Variants in GRAMD4 observed in about 807,000 individuals in gnomAD.
The protein encoded by GRAMD4 is GRAM domain containing 4.
A neutral mutation model predicts 83.9 loss-of-function variants in GRAMD4; 25 were observed. The observed-to-expected ratio is 0.30, with a 90% CI of 0.22 to 0.42. The LOEUF (loss-of-function observed/expected upper bound fraction) is 0.42. GRAMD4 is among the 10% of genes least tolerant of loss of function. The pLI is 1.00. For synonymous variants in GRAMD4, 336 were observed against 320.9 expected, an observed-to-expected ratio of 1.05 and a Z score of -0.50; for missense variants, 593 against 788.7, an observed-to-expected ratio of 0.75 and a Z score of 2.97.
chr22:46,617,884 A>G (rs557838005), upstream of GRAMD4, among the ~76,000 whole-genome samples: 100 of 152,224 alleles, frequency 6.6e-4, no homozygotes, highest in Admixed American at 2.0e-4. Flanking sequence ...AAGGGAAGGA[A>G]TTCAGGTTTC....
intron 3 of GRAMD4, among the ~76,000 whole-genome samples, chr22:46,649,788 A>G (rs1569289256): frequency 6.6e-6 from 1 of 152,242 alleles, no homozygotes; most frequent in Non-Finnish European, 1.5e-5. Flanking sequence ...AAAACTTCAC[A>G]ATAAAAGCGA....
intron 1 of GRAMD4, among the ~76,000 whole-genome samples, chr22:46,614,394 C>T (rs77567966): frequency 0.079 from 11,996 of 152,214 alleles, 823 homozygotes; most frequent in African/African-American, 0.19. Flanking sequence ...GGTCTGTAGC[C>T]GTTCATTACG....
chr22:46,644,600 G>C (rs1398299475), intron 3 of GRAMD4, among the ~76,000 whole-genome samples: 1 of 150,540 alleles, frequency 6.6e-6, no homozygotes, highest in South Asian at 2.1e-4. Context: ...GGTTACATCT[G>C]TCCCTGTTCC....
downstream of GRAMD4, among the ~76,000 whole-genome samples, chr22:46,680,593 T>TCCAC (rs1415980867): frequency 8.0e-5 from 1 of 12,512 alleles, no homozygotes; most frequent in African/African-American, 3.7e-4. Flanking sequence ...CATCCATCCA[T>TCCAC]CCACCCACCC....
chr22:46,624,072 G>A (rs749923771), intron 1 of GRAMD4, among the ~76,000 whole-genome samples: 8 of 151,960 alleles, frequency 5.3e-5, no homozygotes, highest in Non-Finnish European at 7.4e-5. Flanking sequence ...GCCAGCCACC[G>A]CACCTGGCCT....
chr22:46,594,126 C>T (rs866952192), intron 1 of GRAMD4, among the ~76,000 whole-genome samples: 1 of 151,530 alleles, frequency 6.6e-6, no homozygotes, highest in African/African-American at 2.4e-5. Flanking sequence ...TCCCCAGCAT[C>T]CTGCCAGCCC....
At chr22:46,630,910 C>G (rs935868639) in intron 2 of GRAMD4, among the ~76,000 whole-genome samples, 1 of 149,542 alleles carries the variant, frequency 6.7e-6, no homozygotes, top group Non-Finnish European at 1.5e-5. Flanking sequence ...GCAGTGTGCC[C>G]TCCATAGCTC....
Position 46,672,348 on chromosome 22 carries a change from CCT to C in GRAMD4, c.1085-491_1085-490del, listed in dbSNP as rs2082521996. 6.6e-6 allele frequency among the ~76,000 whole-genome samples: 1 copy of C among 151,768 alleles called. No homozygotes were observed. The highest frequency in any genetic ancestry group is 6.6e-5 in the Admixed American group (1 of 15,244). ...CGTCTGAGCAGCTGGTCATGGGCGG[CCT>C]CTCAGCAGGGATGGGCTGGGCGTGG... On this transcript the variant is annotated intron_variant, in intron 13 of 18. Transcript: ENST00000406902. The surrounding 1 kb of genome is among the most constrained non-coding windows in gnomAD (Gnocchi z 4.7).
intron 2 of GRAMD4, among the ~76,000 whole-genome samples, chr22:46,632,310 C>T (rs1440290630): frequency 6.6e-6 from 1 of 152,152 alleles, no homozygotes; most frequent in Admixed American, 6.5e-5. Flanking sequence ...GCTGGGGCAG[C>T]GTCTGGGGTG....
chr22:46,613,562 A>G (rs1169577579), intron 1 of GRAMD4, among the ~76,000 whole-genome samples: 1 of 151,912 alleles, frequency 6.6e-6, no homozygotes, highest in Admixed American at 6.6e-5. Context: ...TGAAGTAGAG[A>G]GTAACTTGGG....
chr22:46,611,936 G>A (rs1408810869), intron 1 of GRAMD4, among the ~76,000 whole-genome samples: 4 of 141,988 alleles, frequency 2.8e-5, no homozygotes, highest in Non-Finnish European at 6.0e-5. Flanking sequence ...AGCGGAGCTT[G>A]CAGTGAGCCG....
intron 15 of GRAMD4, among the ~76,000 whole-genome samples, chr22:46,674,142 G>C (rs560841707): frequency 6.6e-6 from 1 of 152,244 alleles, no homozygotes; most frequent in Non-Finnish European, 1.5e-5. Context: ...GTCTGCCCCT[G>C]GTTCCATCGT....
chr22:46,670,980 G>C, intron 13 of GRAMD4: 1 of 359,882 alleles, frequency 2.8e-6, no homozygotes, highest in Non-Finnish European at 6.4e-6. Flanking sequence ...CCACTGGGCA[G>C]CGGTGACCCT....
At chr22:46,611,996 C>CAAAAAAAAAAAAAAA (rs61392000) in intron 1 of GRAMD4, among the ~76,000 whole-genome samples, 1 of 50,158 alleles carries the variant, frequency 2.0e-5, no homozygotes, top group Non-Finnish European at 3.3e-5. Flanking sequence ...GACTCCATCT[C>CAAAAAAAAAAAAAAA]AAAAAAAAAA....
chr22:46,644,710 T>TTTTTTTTTTTG (rs2082045315), intron 3 of GRAMD4, among the ~76,000 whole-genome samples: 3 of 60,092 alleles, frequency 5.0e-5, no homozygotes, highest in African/African-American at 1.8e-4. Context: ...TTTTTTTTTT[T>TTTTTTTTTTTG]TTTTTTTTTT....
chr22:46,584,662 C>G (rs2081130858), intron 1 of GRAMD4, among the ~76,000 whole-genome samples: 1 of 152,172 alleles, frequency 6.6e-6, no homozygotes. Context: ...CGGTATGCTG[C>G]CGCAGCATGG....
chr22:46,681,950 G>C (rs1165343041), downstream of GRAMD4, among the ~76,000 whole-genome samples: 1 of 152,164 alleles, frequency 6.6e-6, no homozygotes, highest in Non-Finnish European at 1.5e-5. Flanking sequence ...GTTGGCCAGA[G>C]ACTACAGGAG....
rs1349169090 is a variant in GRAMD4, at chr22:46,648,927, GATGGATGC to G, written c.284-9252_284-9245del. Among the ~76,000 whole-genome samples the G allele has an allele frequency of 6.2e-4, 67 of 107,700 alleles. 3 individuals carry two copies. The highest frequency in any genetic ancestry group is 2.3e-3 in the African/African-American group (51 of 22,268). 70.7% of individuals were successfully genotyped at this position (107,700 alleles called of 152,430 possible). On this transcript the variant is annotated intron_variant, in intron 3 of 18. Coordinates refer to ENST00000406902, the MANE Select transcript of GRAMD4 (RefSeq NM_015124.5). The stretch of plus-strand genomic sequence containing the variant: ...GGATGGATGGATGGATGGATGGATG[GATGGATGC>G]ATGGATGGATGGATGGATGGATGGA...
intron 13 of GRAMD4, chr22:46,671,097 A>T (rs1210956689): frequency 2.1e-6 from 1 of 469,542 alleles, no homozygotes; most frequent in Non-Finnish European, 4.4e-6. Flanking sequence ...GCCTGCTCCA[A>T]GCAAGGATGG....
Sources: gnomAD v4.1 joint callset for allele counts (sites outside exome capture counted in the v4.1 genomes callset) on GRCh38, gnomAD v4.1.1 for gene constraint, Gnocchi (gnomAD v3.1) non-coding constraint, MANE v1.5 for transcripts, NCBI Gene and HGNC (gene_info 2026-07-23, HGNC 2026-07-21) for gene names.